Variants in MYO1E observed in about 807,000 individuals in gnomAD.
MYO1E encodes myosin IE.
In MYO1E, 68 loss-of-function variants were observed where a neutral mutation model predicts 151.1. The observed-to-expected ratio is 0.45, with a 90% CI of 0.37 to 0.55. MYO1E has a LOEUF of 0.55. MYO1E is among the 20% of genes least tolerant of loss of function. MYO1E has a pLI of 0.00. For synonymous variants in MYO1E, 601 were observed against 501.7 expected (o/e 1.20, Z -2.64); for missense variants, 1,363 against 1,389.3 (o/e 0.98, Z 0.30).
chr15:59,270,768 T>C (rs1169970738), intron 2 of MYO1E: 2 of 151,838 alleles, frequency 1.3e-5, no homozygotes, highest in African/African-American at 2.4e-5. Context: ...CCTCCCAAGT[T>C]ACAAGTTATG....
intron 1 of MYO1E, among the ~76,000 whole-genome samples, chr15:59,331,572 AG>A (rs2080698370): frequency 6.6e-6 from 1 of 152,192 alleles, no homozygotes; most frequent in Admixed American, 6.5e-5. Context: ...TATCAACACC[AG>A]CCCCAAATTG....
intron 25 of MYO1E, among the ~76,000 whole-genome samples, chr15:59,157,786 C>G (rs142558009): frequency 3.3e-4 from 50 of 152,296 alleles, no homozygotes; most frequent in African/African-American, 1.2e-3. Context: ...TTGTGGAAAA[C>G]TCAAACTGGA....
chr15:59,210,648 G>A (rs1467571346), intron 12 of MYO1E, 48 bp from the exon 13 acceptor site: 6 of 1,338,474 alleles, frequency 4.5e-6, no homozygotes, highest in Non-Finnish European at 6.5e-6. Flanking sequence ...GATAGCAAGA[G>A]CTCTGCACGG....
At chr15:59,151,801 A>C (rs771090215) in intron 26 of MYO1E, among the ~76,000 whole-genome samples, 36 of 152,058 alleles carry the variant, frequency 2.4e-4, no homozygotes, top group Non-Finnish European at 3.8e-4. Context: ...TAATTCCAGC[A>C]CTTTGGGAGG....
Position 59,133,397 on chromosome 15 carries a change from C to T in MYO1E, c.*3983G>A, listed in dbSNP as rs1461400753. On this transcript the variant is annotated 3_prime_UTR_variant, in exon 28 of 28. Coordinates refer to ENST00000288235, the MANE Select transcript of MYO1E (RefSeq NM_004998.4). ...AAAATAAAAACGCACAGGCCTTTGA[C>T]TCAGAGTTCCTGTGATGGCTCCCCC... 6.6e-6 allele frequency: 1 copy of T among 152,142 alleles called. No homozygotes were observed. Among genetic ancestry groups the T allele is most frequent in the Non-Finnish European group, 1.5e-5 (1 of 68,068 alleles). The allele number at this position is 152,142 out of a possible 1,614,324, so 9.4% of individuals were successfully genotyped here.
chr15:59,339,849 T>G (rs1346043251), intron 1 of MYO1E, among the ~76,000 whole-genome samples: 1 of 80,580 alleles, frequency 1.2e-5, no homozygotes, highest in East Asian at 2.4e-4. Flanking sequence ...ACATACTTTT[T>G]TTTGTTTTTT....
chr15:59,336,751 C>T (rs1225356779), intron 1 of MYO1E, among the ~76,000 whole-genome samples: 2 of 151,904 alleles, frequency 1.3e-5, no homozygotes, highest in South Asian at 2.1e-4. Context: ...CCTAGCCCCC[C>T]ACCCCCTGAC....
rs149728261 is a variant in MYO1E, at chr15:59,153,502, T to C, written c.3080+88A>G. Reference sequence around the variant, plus strand: ...AAACTAAACCTTAGAATCCTGTGTATTGACAGCCCACAGGAATCTCTGAAC... The same window carrying C: ...AAACTAAACCTTAGAATCCTGTGTACTGACAGCCCACAGGAATCTCTGAAC... On this transcript the variant is annotated intron_variant, in intron 26 of 27. Transcript: ENST00000288235. 102 of 1,414,878 alleles carry C rather than the reference T, an allele frequency of 7.2e-5. No homozygotes were observed. In the African/African-American group the frequency reaches 9.9e-4, roughly 14 times the overall value. 87.6% of individuals were successfully genotyped at this position (1,414,878 alleles called of 1,614,324 possible).
At chr15:59,157,664 G>A (rs183801443) in intron 25 of MYO1E, among the ~76,000 whole-genome samples, 5 of 152,358 alleles carry the variant, frequency 3.3e-5, no homozygotes, top group Admixed American at 1.3e-4. Context: ...GTATGCCAAA[G>A]AGAAGCCATT....
chr15:59,263,897 G>A (rs1343724314), intron 2 of MYO1E, among the ~76,000 whole-genome samples: 1 of 152,036 alleles, frequency 6.6e-6, no homozygotes, highest in Non-Finnish European at 1.5e-5. Flanking sequence ...GAAAATTTAG[G>A]ACACATACAT....
chr15:59,336,092 C>T (rs1229151762), intron 1 of MYO1E, among the ~76,000 whole-genome samples: 3 of 151,914 alleles, frequency 2.0e-5, no homozygotes, highest in African/African-American at 4.8e-5. Context: ...AAAACTAGGC[C>T]GAGTGCAGTA....
rs529683264 is a variant in MYO1E, at chr15:59,137,116, A to G, written c.*264T>C. ...CTCACTTGTCCTCTCACCAGGTTTA[A>G]ATACAATAAATAAATCTTAATGCAT... is the stretch of plus-strand genomic sequence containing the variant. On this transcript the variant is annotated 3_prime_UTR_variant, in exon 28 of 28. Transcript: ENST00000288235. 19 of 508,978 alleles carry G rather than the reference A, an allele frequency of 3.7e-5. 1 individual carries two copies. The South Asian group carries it at 3.9e-4, about 11-fold the overall frequency. The allele number at this position is 508,978 out of a possible 1,614,324, so 31.5% of individuals were successfully genotyped here.
chr15:59,208,481 T>C lies in MYO1E; in HGVS notation c.1530+200A>G. 2.1e-5 allele frequency: 14 copies of C among 663,676 alleles called. No individual in the cohort carries two copies. In the South Asian group the frequency reaches 2.7e-4, roughly 13 times the overall value. 41.1% of individuals were successfully genotyped at this position (663,676 alleles called of 1,614,324 possible). On this transcript the variant is annotated intron_variant, in intron 14 of 27. Coordinates refer to ENST00000288235, the MANE Select transcript of MYO1E (RefSeq NM_004998.4). ...ATGCTGTAAAAAAGTAGTAGCTTCT[T>C]CTACAATGTAAAAATAAATGTACAT... is the stretch of plus-strand genomic sequence containing the variant.
intron 1 of MYO1E, among the ~76,000 whole-genome samples, chr15:59,337,892 A>G (rs2080739210): frequency 6.6e-6 from 1 of 152,222 alleles, no homozygotes; most frequent in Non-Finnish European, 1.5e-5. Context: ...ATCTAAGCTT[A>G]GATATATCTT....
At chr15:59,365,068 G>A (rs1184633732) in intron 1 of MYO1E, among the ~76,000 whole-genome samples, 4 of 151,430 alleles carry the variant, frequency 2.6e-5, no homozygotes, top group Non-Finnish European at 4.4e-5. Flanking sequence ...GCCCCAGGCT[G>A]TAGTGCAATG....
intron 1 of MYO1E, among the ~76,000 whole-genome samples, chr15:59,300,437 G>C (rs1315201204): frequency 6.6e-6 from 1 of 152,100 alleles, no homozygotes; most frequent in Non-Finnish European, 1.5e-5. Context: ...TACTTCTAGA[G>C]GCTTAGAACC....
chr15:59,255,506 C>G (rs2140370150), intron 4 of MYO1E, among the ~76,000 whole-genome samples: 1 of 152,216 alleles, frequency 6.6e-6, no homozygotes, highest in African/African-American at 2.4e-5. Context: ...GCGATTCTCC[C>G]ACCTCAGTCT....
chr15:59,220,242 A>AG (rs1343139332), intron 9 of MYO1E, among the ~76,000 whole-genome samples: 1 of 152,224 alleles, frequency 6.6e-6, no homozygotes, highest in African/African-American at 2.4e-5. Context: ...TGAGGTCAGG[A>AG]GTTTGAGACT....
intron 1 of MYO1E, among the ~76,000 whole-genome samples, chr15:59,284,160 C>G (rs1051877756): frequency 1.3e-5 from 2 of 152,212 alleles, no homozygotes; most frequent in African/African-American, 4.8e-5. Flanking sequence ...AGTGCCCAAT[C>G]TTTACTAGCT....
Sources: allele counts gnomAD v4.1 joint callset (sites outside exome capture counted in the v4.1 genomes callset), GRCh38; gene constraint gnomAD v4.1.1; transcripts MANE v1.5; gene names NCBI Gene and HGNC (gene_info 2026-07-23, HGNC 2026-07-21).